RGL1: variants seen among roughly 807,000 people sequenced by gnomAD.
RGL1 encodes the protein ral guanine nucleotide dissociation stimulator-like 1.
A neutral mutation model predicts 95.2 loss-of-function variants in RGL1; 24 were observed. That is an observed-to-expected ratio of 0.25 (90% CI 0.18 to 0.35). The LOEUF (loss-of-function observed/expected upper bound fraction) is 0.35, where lower values mean the gene tolerates loss of function less well. Ranked by LOEUF, RGL1 falls within the 10% of genes least tolerant of loss-of-function variation. The pLI, the probability that RGL1 is intolerant of heterozygous loss-of-function variation, is 1.00. For missense variants in RGL1, 715 were observed against 936.3 expected (o/e 0.76, Z 3.08); for synonymous variants, 329 against 344.9 (o/e 0.95, Z 0.51).
At chr1:183,863,322 TTTTTTTG>T (rs869269765) in intron 3 of RGL1, among the ~76,000 whole-genome samples, 85 of 152,224 alleles carry the variant, frequency 5.6e-4, no homozygotes, top group African/African-American at 1.6e-3. Flanking sequence ...TTCTTCTTCC[TTTTTTTG>T]TTTTTTGTTT....
At chr1:183,723,671 C>G (rs541410638) in intron 1 of RGL1, among the ~76,000 whole-genome samples, 7 of 152,268 alleles carry the variant, frequency 4.6e-5, no homozygotes, top group African/African-American at 1.7e-4. Flanking sequence ...TGAGTTCTGG[C>G]AAGCCTCCCC....
At chr1:183,774,646 G>C (rs1020395010) in intron 2 of RGL1, among the ~76,000 whole-genome samples, 1 of 143,468 alleles carries the variant, frequency 7.0e-6, no homozygotes. Flanking sequence ...GCATGATCTC[G>C]GTTCACACAA....
At chr1:183,637,972 G>T (rs140652805) in intron 1 of RGL1, among the ~76,000 whole-genome samples, 1,659 of 152,106 alleles carry the variant, frequency 0.011, 34 homozygotes, top group African/African-American at 0.038. Flanking sequence ...GCTGTTAAAG[G>T]TGATTGTACT....
At chr1:183,655,153 A>C (rs963346262) in intron 1 of RGL1, among the ~76,000 whole-genome samples, 3 of 152,220 alleles carry the variant, frequency 2.0e-5, no homozygotes, top group African/African-American at 4.8e-5. Context: ...AATGAAGAAG[A>C]TTTACAAAGA....
chr1:183,658,463 A>G (rs1396943469), intron 1 of RGL1, among the ~76,000 whole-genome samples: 1 of 152,078 alleles, frequency 6.6e-6, no homozygotes, highest in African/African-American at 2.4e-5. Context: ...TTGCTAGCAC[A>G]GCAGTCTGAG....
chr1:183,910,222 A>G (rs1024959379), intron 14 of RGL1, among the ~76,000 whole-genome samples: 16 of 152,032 alleles, frequency 1.1e-4, no homozygotes, highest in African/African-American at 3.6e-4. Context: ...TCAGCTTCCC[A>G]AGTAGCTGGG....
chr1:183,728,372 A>T (rs1572338667), intron 1 of RGL1, among the ~76,000 whole-genome samples: 1 of 152,272 alleles, frequency 6.6e-6, no homozygotes, highest in East Asian at 1.9e-4. Context: ...CCAATTCCAT[A>T]CATATATAGC....
intron 1 of RGL1, among the ~76,000 whole-genome samples, chr1:183,703,402 G>A (rs766204893): frequency 6.6e-6 from 1 of 152,130 alleles, no homozygotes; most frequent in African/African-American, 2.4e-5. Flanking sequence ...TTTATTATTA[G>A]TGGGATAATA....
chr1:183,823,565 C>T (rs184043368), intron 2 of RGL1, among the ~76,000 whole-genome samples: 5 of 152,266 alleles, frequency 3.3e-5, no homozygotes, highest in East Asian at 1.9e-4. Flanking sequence ...CAGCAATACT[C>T]GCCAGTTAAC....
chr1:183,680,210 C>G (rs983900913), intron 1 of RGL1, among the ~76,000 whole-genome samples: 1 of 152,054 alleles, frequency 6.6e-6, no homozygotes, highest in African/African-American at 2.4e-5. Context: ...TCCAGAAGCT[C>G]TTTAGTTTAA....
chr1:183,844,802 TAAAG>T (rs1426845544), intron 2 of RGL1, among the ~76,000 whole-genome samples: 3 of 152,206 alleles, frequency 2.0e-5, no homozygotes, highest in Non-Finnish European at 4.4e-5. Flanking sequence ...TTAAGAGGCC[TAAAG>T]AAATGTTTGC....
intron 2 of RGL1, among the ~76,000 whole-genome samples, chr1:183,784,367 A>G (rs137968000): frequency 1.9e-4 from 29 of 152,342 alleles, no homozygotes; most frequent in Middle Eastern, 3.4e-3. Flanking sequence ...GTCTGTCAGC[A>G]GTTAGCAGGC....
chr1:183,892,002 G>A (rs2102672782), intron 8 of RGL1, 75 bp from the exon 9 acceptor site: 1 of 1,131,684 alleles, frequency 8.8e-7, no homozygotes, highest in South Asian at 1.3e-5. Flanking sequence ...CATGAGTCCT[G>A]AGGACAGCTG....
chr1:183,644,844 A>C (rs1365299254), intron 1 of RGL1, among the ~76,000 whole-genome samples: 1 of 152,198 alleles, frequency 6.6e-6, no homozygotes, highest in African/African-American at 2.4e-5. Context: ...ATGAATTCTA[A>C]TCTATTTAGT....
intron 1 of RGL1, among the ~76,000 whole-genome samples, chr1:183,726,388 C>CA (rs1388561115): frequency 4.0e-5 from 6 of 150,746 alleles, no homozygotes; most frequent in African/African-American, 1.5e-4. Flanking sequence ...CTATATTGAT[C>CA]AAAAAAACAA....
intron 1 of RGL1, among the ~76,000 whole-genome samples, chr1:183,671,574 G>A (rs1403748070): frequency 6.6e-6 from 1 of 152,080 alleles, no homozygotes; most frequent in Non-Finnish European, 1.5e-5. Context: ...TTGACAGAAA[G>A]GGAATGAAGA....
At chr1:183,886,481 A>G (rs1667118029) in intron 7 of RGL1, among the ~76,000 whole-genome samples, 1 of 152,122 alleles carries the variant, frequency 6.6e-6, no homozygotes, top group Non-Finnish European at 1.5e-5. Context: ...CTTTGGCTAT[A>G]GTGACAATAT....
chr1:183,863,961 A>C (rs1665673582), intron 3 of RGL1, among the ~76,000 whole-genome samples: 2 of 152,188 alleles, frequency 1.3e-5, no homozygotes, highest in Admixed American at 6.5e-5. Flanking sequence ...TCACCAGTAT[A>C]AGTTACTTAG....
At chr1:183,844,226 T>C (rs939900332) in intron 2 of RGL1, among the ~76,000 whole-genome samples, 1 of 152,250 alleles carries the variant, frequency 6.6e-6, no homozygotes, top group Admixed American at 6.5e-5. Context: ...CAAAACATCC[T>C]GACATTTTTG....
Sources: gnomAD v4.1 joint callset for allele counts (sites outside exome capture counted in the v4.1 genomes callset) on GRCh38, gnomAD v4.1.1 for gene constraint, MANE v1.5 for transcripts, NCBI Gene and HGNC (gene_info 2026-07-23, HGNC 2026-07-21) for gene names.